Variants in DHTKD1 observed in about 807,000 individuals in gnomAD.
DHTKD1 encodes the protein dehydrogenase E1 and transketolase domain containing 1.
In DHTKD1, 78 loss-of-function variants were observed where a neutral mutation model predicts 101.8. That is an observed-to-expected ratio of 0.77 (90% confidence interval 0.64 to 0.93). DHTKD1 has a LOEUF of 0.93. Ranked by LOEUF, DHTKD1 falls within the 40% of genes least tolerant of loss-of-function variation. DHTKD1 has a pLI of 0.00. For missense variants in DHTKD1, 1,223 were observed against 1,161.7 expected (o/e 1.05, Z -0.77); for synonymous variants, 462 against 450.3 (o/e 1.03, Z -0.33).
intron 14 of DHTKD1, among the ~76,000 whole-genome samples, chr10:12,117,983 G>A (rs1431441816): frequency 1.3e-5 from 2 of 151,822 alleles, no homozygotes; most frequent in Non-Finnish European, 2.9e-5. Flanking sequence ...TCCGCCTCCC[G>A]GATTCAAGTG....
At chr10:12,101,740 A>T (rs909206188) in intron 10 of DHTKD1, among the ~76,000 whole-genome samples, 13 of 152,090 alleles carry the variant, frequency 8.5e-5, no homozygotes, top group African/African-American at 3.1e-4. Flanking sequence ...AGTAGCTGGG[A>T]CCACGGGAAT....
rs1588615466 is a variant in DHTKD1, at chr10:12,106,118, A to G, written c.1897-128A>G. The G allele has an allele frequency of 6.0e-6, 6 of 995,172 alleles. No homozygotes were observed. The East Asian group carries it at 1.2e-4, about 20-fold the overall frequency. 61.6% of individuals were successfully genotyped at this position (995,172 alleles called of 1,614,324 possible). ...CTCAAAAAGCAGAAACAAACAAACA[A>G]AAAGAATGTGGTGATGAACGAGAGC... On this transcript the variant is annotated intron_variant, in intron 10 of 16. Transcript: ENST00000263035.
intron 1 of DHTKD1, among the ~76,000 whole-genome samples, chr10:12,069,916 C>T (rs1397647689): frequency 6.6e-6 from 1 of 151,888 alleles, no homozygotes; most frequent in African/African-American, 2.4e-5. Flanking sequence ...ATTTCCAGGA[C>T]CATCTCTGAG....
intron 1 of DHTKD1, among the ~76,000 whole-genome samples, chr10:12,076,796 C>T (rs568637789): frequency 1.0e-3 from 156 of 151,882 alleles, no homozygotes; most frequent in African/African-American, 3.6e-3. Context: ...GTAGCTGGGA[C>T]TACAGGTGCC....
intron 2 of DHTKD1, among the ~76,000 whole-genome samples, chr10:12,082,940 T>C (rs761616143): frequency 6.6e-6 from 1 of 151,824 alleles, no homozygotes; most frequent in Non-Finnish European, 1.5e-5. Flanking sequence ...ATTGAGACCA[T>C]CCTGGCTAAC....
intron 13 of DHTKD1, among the ~76,000 whole-genome samples, chr10:12,113,868 T>C (rs75485857): frequency 0.039 from 5,935 of 152,106 alleles, 327 homozygotes; most frequent in African/African-American, 0.14. Flanking sequence ...TGCAGTGACG[T>C]ATGACCATGC....
intron 6 of DHTKD1, 30 bp downstream of exon 6, chr10:12,091,714 C>T (rs1441683925): frequency 1.2e-6 from 2 of 1,601,814 alleles, no homozygotes; most frequent in African/African-American, 2.7e-5. Flanking sequence ...ACTGATATTG[C>T]TGAAGCCGAC....
Position 12,087,643 on chromosome 10 carries a change from T to C in DHTKD1, c.631T>C (p.Tyr211His). 6.2e-7 allele frequency: 1 copy of C among 1,614,072 alleles called. No individual in the cohort carries two copies. Among genetic ancestry groups the C allele is most frequent in the Non-Finnish European group, 8.5e-7 (1 of 1,179,990 alleles). ...CCACGAGCTGCTGAAAATGTCGGCC[T>C]ACAGCGGGATCACTGATGTCATTAT... ...FFHELLKMSA[Y>H]SGITDVIIGM... is the part of the protein sequence containing the mutation. The change falls in exon 4 of 17, where the codon TAC becomes CAC. Residue 211 changes from tyrosine to histidine, a missense_variant. Transcript: ENST00000263035. The surrounding 1 kb of genome is among the most constrained non-coding windows in gnomAD (Gnocchi z 5.2).
intron 14 of DHTKD1, 21 bp from the exon 15 acceptor site, chr10:12,118,728 T>C (rs376508630): frequency 6.1e-6 from 9 of 1,477,518 alleles, no homozygotes; most frequent in Non-Finnish European, 8.1e-6. Flanking sequence ...CCCACCCTAT[T>C]GTTCCTTTTC....
intron 8 of DHTKD1, among the ~76,000 whole-genome samples, chr10:12,098,389 C>T (rs1219153653): frequency 2.0e-5 from 3 of 152,256 alleles, no homozygotes; most frequent in Admixed American, 2.0e-4. Context: ...CCTAAACATG[C>T]TCATGTTTTA....
At chr10:12,113,188 G>T (rs1454616950) in intron 13 of DHTKD1, 124 bp downstream of exon 13, 8 of 945,998 alleles carry the variant, frequency 8.5e-6, no homozygotes, top group Non-Finnish European at 1.2e-5. Flanking sequence ...AACTGACTTT[G>T]CTACTTTCAT....
At chr10:12,116,865 A>G (rs921473698) in intron 13 of DHTKD1, among the ~76,000 whole-genome samples, 1 of 151,312 alleles carries the variant, frequency 6.6e-6, no homozygotes. Context: ...ACACCTGGCC[A>G]ATTTTTGTAT....
chr10:12,081,709 C>T (rs1319727710), intron 2 of DHTKD1, 82 bp downstream of exon 2: 1 of 1,530,354 alleles, frequency 6.5e-7, no homozygotes, highest in Non-Finnish European at 9.0e-7. Context: ...GAAGCAGCAT[C>T]CCCACTGGAG....
chr10:12,093,959 C>T (rs1014825390), intron 6 of DHTKD1, 114 bp from the exon 7 acceptor site: 5 of 923,226 alleles, frequency 5.4e-6, no homozygotes, highest in African/African-American at 3.3e-5. Context: ...TTAACCAAAC[C>T]AATATCTACC....
chr10:12,115,104 A>AGTT (rs1833395844), intron 13 of DHTKD1, among the ~76,000 whole-genome samples: 1 of 151,644 alleles, frequency 6.6e-6, no homozygotes, highest in Non-Finnish European at 1.5e-5. Flanking sequence ...CTGTTTGAAC[A>AGTT]GTTTCTTGAG....
chr10:12,096,100 C>CCAGAAAA (rs1275112820), intron 7 of DHTKD1, among the ~76,000 whole-genome samples: 1 of 152,130 alleles, frequency 6.6e-6, no homozygotes, highest in Non-Finnish European at 1.5e-5. Flanking sequence ...TTACTCATGG[C>CCAGAAAA]TTGCATTTCA....
At chr10:12,090,985 C>T (rs181995182) in intron 5 of DHTKD1, among the ~76,000 whole-genome samples, 1 of 151,872 alleles carries the variant, frequency 6.6e-6, no homozygotes, top group Non-Finnish European at 1.5e-5. Flanking sequence ...ACCCCGGAGG[C>T]GGAGCTTGCA....
chr10:12,087,677 C>T lies in DHTKD1; in HGVS notation c.665C>T (p.Pro222Leu). 4 of 1,612,380 alleles carry T rather than the reference C, an allele frequency of 2.5e-6. No individual in the cohort carries two copies. The highest frequency in any genetic ancestry group is 3.4e-6 in the Non-Finnish European group (4 of 1,179,462). ...ATCACTGATGTCATTATTGGGATGC[C>T]CCATAGAGGGAGGCTGAATTTATTG... ...SGITDVIIGM[P>L]HRGRLNLLTG... The change falls in exon 4 of 17, where the codon CCC (proline) becomes CTC (leucine). Residue 222 changes from proline to leucine, a missense_variant. By Grantham distance (98) the Pro-to-Leu change is moderately conservative (BLOSUM62 -3). Transcript: ENST00000263035. The surrounding 1 kb of genome is among the most constrained non-coding windows in gnomAD (Gnocchi z 5.2).
intron 1 of DHTKD1, 36 bp downstream of exon 1, chr10:12,069,223 T>G: frequency 8.1e-7 from 1 of 1,236,544 alleles, no homozygotes; most frequent in Non-Finnish European, 1.0e-6. Flanking sequence ...GAGCGGGGGC[T>G]GGGACGCAGA....
Sources: allele counts gnomAD v4.1 joint callset (sites outside exome capture counted in the v4.1 genomes callset), GRCh38; gene constraint gnomAD v4.1.1; non-coding constraint Gnocchi (gnomAD v3.1); transcripts MANE v1.5; gene names NCBI Gene and HGNC (gene_info 2026-07-23, HGNC 2026-07-21).